The following SLCO3A1 variants were observed in gnomAD, a reference collection of about 807,000 sequenced individuals.
SLCO3A1 encodes solute carrier organic anion transporter family member 3A1, also known as PGE1 transporter.
SLCO3A1 carries 27 observed loss-of-function variants against 63.1 expected under a neutral mutation model. The ratio of observed to expected loss-of-function variants is 0.43; its 90% CI spans 0.32 to 0.59. The LOEUF (loss-of-function observed/expected upper bound fraction) is 0.59, where lower values mean the gene tolerates loss of function less well. Ranked by LOEUF, SLCO3A1 falls within the 20% of genes least tolerant of loss-of-function variation. SLCO3A1 has a pLI of 0.09. For synonymous variants in SLCO3A1, 473 were observed against 409.9 expected, an observed-to-expected ratio of 1.15 and a Z score of -1.86; for missense variants, 773 against 945.8, an observed-to-expected ratio of 0.82 and a Z score of 2.40.
rs145380232 is a variant in SLCO3A1 at position 91,874,696 on chromosome 15, G to A, written c.180+20608G>A. Among the ~76,000 whole-genome samples, 733 of 152,296 alleles carry A rather than the reference G, an allele frequency of 4.8e-3. 5 individuals are homozygous for A. The highest frequency in any genetic ancestry group is 0.017 in the African/African-American group (694 of 41,568). On this transcript the variant is annotated intron_variant, in intron 1 of 9. Coordinates refer to ENST00000318445, the MANE Select transcript of SLCO3A1 (RefSeq NM_013272.4). The stretch of plus-strand genomic sequence containing the variant: ...TGGCTATTGTGAATAATGCCGCTCC[G>A]ATCATCGCTGTAGAGCTTTCATCTG...
chr15:91,888,586 A>G (rs1199649416), intron 1 of SLCO3A1, among the ~76,000 whole-genome samples: 1 of 152,170 alleles, frequency 6.6e-6, no homozygotes, highest in Non-Finnish European at 1.5e-5. Context: ...TGGCTTAGTG[A>G]TAGCACTTAT....
downstream of SLCO3A1, among the ~76,000 whole-genome samples, chr15:92,168,586 T>C (rs982626559): frequency 1.1e-4 from 17 of 152,190 alleles, no homozygotes; most frequent in African/African-American, 3.6e-4. Context: ...CACTGCATGT[T>C]TGGGGGACCC....
Position 91,854,370 on chromosome 15 carries a change from G to C in SLCO3A1, c.180+282G>C. On this transcript the variant is annotated intron_variant, in intron 1 of 9. Transcript: ENST00000318445. The surrounding 1 kb of genome is among the most constrained non-coding windows in gnomAD (Gnocchi z 6.4). ...GAGGAGAGGCGGCGGGCAGGTGGGCGTGAAACTATTCCTCTCCCCCCATAA... is the reference window on the plus strand; with the variant it reads ...GAGGAGAGGCGGCGGGCAGGTGGGCCTGAAACTATTCCTCTCCCCCCATAA... 1 of 1,090,636 alleles carries C rather than the reference G, an allele frequency of 9.2e-7. No homozygotes were observed. The highest frequency in any genetic ancestry group is 1.1e-6 in the Non-Finnish European group (1 of 897,954). 67.6% of individuals were successfully genotyped at this position (1,090,636 alleles called of 1,614,324 possible). A position where few individuals can be genotyped will look rare whatever the true frequency, so the allele number is the denominator to read the frequency against.
chr15:91,949,846 TAAGC>T (rs965445333), intron 2 of SLCO3A1, among the ~76,000 whole-genome samples: 1 of 151,566 alleles, frequency 6.6e-6, no homozygotes, highest in African/African-American at 2.4e-5. Flanking sequence ...AATAAATAAA[TAAGC>T]AAGCAAGCAA....
chr15:91,899,555 A>G (rs895111808), intron 1 of SLCO3A1, among the ~76,000 whole-genome samples: 35 of 152,106 alleles, frequency 2.3e-4, no homozygotes, highest in African/African-American at 8.2e-4. Flanking sequence ...CATTGCATTT[A>G]CCACATTCCA....
At position 92,047,027 on chromosome 15, in the gene SLCO3A1, AAT is replaced by A. The variant is rs373188413; in HGVS notation, c.647-47842_647-47841del. 5.8e-3 allele frequency among the ~76,000 whole-genome samples: 151 copies of A among 25,838 alleles called. 5 individuals are homozygous for A. Among genetic ancestry groups the A allele is most frequent in the African/African-American group, 0.018 (139 of 7,924 alleles). The allele number at this position is 25,838 out of a possible 152,430, so 17.0% of individuals were successfully genotyped here. On this transcript the variant is annotated intron_variant, in intron 2 of 9. Transcript: ENST00000318445. ...TATATAAATATATATATAATATATAAATATATATATATAAATATATATATAAT... is the reference window on the plus strand; with the variant it reads ...TATATAAATATATATATAATATATAAATATATATATAAATATATATATAAT...
intron 3 of SLCO3A1, among the ~76,000 whole-genome samples, chr15:92,100,381 C>T (rs766970085): frequency 1.3e-5 from 2 of 152,226 alleles, no homozygotes; most frequent in African/African-American, 2.4e-5. Context: ...CACCTTGACT[C>T]AGCCTGTTCC....
intron 2 of SLCO3A1, among the ~76,000 whole-genome samples, chr15:92,054,077 A>G (rs1391030213): frequency 1.3e-5 from 2 of 152,194 alleles, no homozygotes; most frequent in African/African-American, 4.8e-5. Flanking sequence ...GGAAATCTAT[A>G]TTTTGATTTA....
intron 2 of SLCO3A1, among the ~76,000 whole-genome samples, chr15:92,023,715 C>T (rs772377904): frequency 3.0e-4 from 46 of 152,256 alleles, no homozygotes; most frequent in African/African-American, 6.3e-4. Context: ...GTGATCCAGC[C>T]GCCTCGGCCT....
At position 91,986,762 on chromosome 15, in the gene SLCO3A1, A is replaced by C. The variant is rs570892771; in HGVS notation, c.646+70304A>C. Among the ~76,000 whole-genome samples, 4 of 152,304 alleles carry C rather than the reference A, an allele frequency of 2.6e-5. No individual in the cohort carries two copies. The South Asian group carries it at 8.3e-4, about 32-fold the overall frequency. On this transcript the variant is annotated intron_variant, in intron 2 of 9. Transcript: ENST00000318445. ...GGGTTTGTACTCTCCATAGCTATTTAATATGAACTGTTGCTTTTTCATAGT... is the reference window on the plus strand; with the variant it reads ...GGGTTTGTACTCTCCATAGCTATTTCATATGAACTGTTGCTTTTTCATAGT...
intron 1 of SLCO3A1, among the ~76,000 whole-genome samples, chr15:91,867,449 G>A (rs956065500): frequency 6.6e-6 from 1 of 151,950 alleles, no homozygotes; most frequent in Non-Finnish European, 1.5e-5. Flanking sequence ...TTTTGCATAT[G>A]TACAAATTAG....
intron 2 of SLCO3A1, among the ~76,000 whole-genome samples, chr15:91,931,859 G>A (rs73530644): frequency 0.012 from 1,853 of 151,600 alleles, 35 homozygotes; most frequent in African/African-American, 0.043. Flanking sequence ...AACAGAGATT[G>A]CTATTCATCA....
At chr15:92,091,540 CT>C (rs1484509106) in intron 2 of SLCO3A1, among the ~76,000 whole-genome samples, 12 of 152,222 alleles carry the variant, frequency 7.9e-5, no homozygotes, top group Admixed American at 7.9e-4. Context: ...AGCTCAGAAC[CT>C]GCCTTGCACA....
At chr15:92,100,609 T>C (rs2047594007) in intron 3 of SLCO3A1, among the ~76,000 whole-genome samples, 1 of 152,100 alleles carries the variant, frequency 6.6e-6, no homozygotes, top group Admixed American at 6.5e-5. Context: ...AATAGAGAAG[T>C]AAAGAGGTTT....
At chr15:91,938,482 G>GTTGT (rs1555451371) in intron 2 of SLCO3A1, among the ~76,000 whole-genome samples, 1 of 136,250 alleles carries the variant, frequency 7.3e-6, no homozygotes, top group African/African-American at 2.7e-5. Flanking sequence ...GGTTTTTTTT[G>GTTGT]TTTTTTTTTT....
Position 92,125,156 on chromosome 15 carries a change from C to T in SLCO3A1, c.1175-905C>T, listed in dbSNP as rs796435892. Among the ~76,000 whole-genome samples the T allele has an allele frequency of 7.2e-5, 11 of 152,274 alleles. No homozygotes were observed. In the East Asian group the frequency reaches 1.5e-3, roughly 21 times the overall value. ...TTAATTTGCATTCCCTTAGCACATA[C>T]CAGCTGGTTAATGTAGTCAGTTGAC... On this transcript the variant is annotated intron_variant, in intron 5 of 9. Coordinates refer to ENST00000318445, the MANE Select transcript of SLCO3A1 (RefSeq NM_013272.4).
At chr15:92,156,781 T>G (rs1596155337) in intron 9 of SLCO3A1, among the ~76,000 whole-genome samples, 1 of 151,800 alleles carries the variant, frequency 6.6e-6, no homozygotes, top group Non-Finnish European at 1.5e-5. Flanking sequence ...TCTTGGCAGG[T>G]AAGCCAGAGA....
intron 1 of SLCO3A1, among the ~76,000 whole-genome samples, chr15:91,909,777 C>T (rs767683967): frequency 3.7e-4 from 56 of 152,342 alleles, no homozygotes; most frequent in African/African-American, 1.2e-3. Flanking sequence ...AGGGACCTTT[C>T]GGCTCCACCT....
At chr15:92,110,656 A>G (rs1001313374) in intron 4 of SLCO3A1, among the ~76,000 whole-genome samples, 2 of 151,982 alleles carry the variant, frequency 1.3e-5, no homozygotes, top group Non-Finnish European at 2.9e-5. Context: ...GCACATCATA[A>G]TTTTCCTTTA....
Sources: allele counts gnomAD v4.1 joint callset (sites outside exome capture counted in the v4.1 genomes callset), GRCh38; gene constraint gnomAD v4.1.1; non-coding constraint Gnocchi (gnomAD v3.1); transcripts MANE v1.5; gene names NCBI Gene and HGNC (gene_info 2026-07-23, HGNC 2026-07-21).